The following CNTNAP2 variants were observed in gnomAD, a reference collection of about 807,000 sequenced individuals.
CNTNAP2 encodes contactin-associated protein-like 2.
In CNTNAP2, 98 loss-of-function variants were observed where a neutral mutation model predicts 155.2. That is an observed-to-expected ratio of 0.63 (90% confidence interval 0.54 to 0.75). The LOEUF (loss-of-function observed/expected upper bound fraction) is 0.75, where lower values mean the gene tolerates loss of function less well. CNTNAP2 is among the 30% of genes least tolerant of loss of function. The pLI is 0.00. For synonymous variants in CNTNAP2, 651 were observed against 631.2 expected, an observed-to-expected ratio of 1.03 and a Z score of -0.47; for missense variants, 1,727 against 1,688.1, an observed-to-expected ratio of 1.02 and a Z score of -0.40.
At chr7:147,456,258 A>C (rs1797916587) in intron 10 of CNTNAP2, among the ~76,000 whole-genome samples, 1 of 152,172 alleles carries the variant, frequency 6.6e-6, no homozygotes, top group Admixed American at 6.5e-5. Flanking sequence ...TGACAAAGAA[A>C]GCAATTAGAG....
At chr7:147,480,042 C>T (rs1404477166) in intron 10 of CNTNAP2, among the ~76,000 whole-genome samples, 2 of 151,950 alleles carry the variant, frequency 1.3e-5, no homozygotes, top group Non-Finnish European at 2.9e-5. Flanking sequence ...AATAAAAGTA[C>T]TCAAATATTG....
chr7:146,788,965 G>A (rs1378737713), intron 2 of CNTNAP2, among the ~76,000 whole-genome samples: 3 of 152,112 alleles, frequency 2.0e-5, no homozygotes, highest in Admixed American at 1.3e-4. Context: ...TGTGTATCAA[G>A]TATCCATGAA....
chr7:146,213,543 A>G (rs1038652907), intron 1 of CNTNAP2, among the ~76,000 whole-genome samples: 6 of 152,210 alleles, frequency 3.9e-5, no homozygotes, highest in East Asian at 1.9e-4. Context: ...GGGCAACTCA[A>G]GAAGTAATTT....
In CNTNAP2 at chr7:147,018,093, G is replaced by T. The variant is rs866809559; in HGVS notation, c.403-25814G>T. 2.0e-5 allele frequency among the ~76,000 whole-genome samples: 3 copies of T among 152,064 alleles called. No homozygotes were observed. In the South Asian group the frequency reaches 6.2e-4, roughly 31 times the overall value. ...CATTTCTCTAGAAAATCAGTGTTTT[G>T]TAAACAAGTTTGTTAGATAATTCTT... is the stretch of plus-strand genomic sequence containing the variant. On this transcript the variant is annotated intron_variant, in intron 3 of 23. Coordinates refer to ENST00000361727, the MANE Select transcript of CNTNAP2 (RefSeq NM_014141.6).
chr7:148,217,268 C>A lies in CNTNAP2; in HGVS notation c.3011-20C>A, dbSNP rs545753779. ...TCAGACCTCTCCTCATTTTTCAATT[C>A]TCTCTCTCCTTTATAACAGATGTTG... On this transcript the variant is annotated intron_variant, in intron 18 of 23. Transcript: ENST00000361727. The A allele has an allele frequency of 2.5e-6, 4 of 1,611,646 alleles. No homozygotes were observed. The South Asian group carries it at 3.3e-5, about 13-fold the overall frequency.
chr7:147,426,796 G>C (rs1428970264), intron 10 of CNTNAP2, among the ~76,000 whole-genome samples: 2 of 152,040 alleles, frequency 1.3e-5, no homozygotes, highest in African/African-American at 2.4e-5. Flanking sequence ...GTTTGTGATA[G>C]ATTTTTAGGG....
intron 1 of CNTNAP2, among the ~76,000 whole-genome samples, chr7:146,665,220 A>G (rs910433449): frequency 2.0e-5 from 3 of 152,108 alleles, no homozygotes; most frequent in Non-Finnish European, 4.4e-5. Flanking sequence ...AAATGTTGGG[A>G]TTACAGGCGT....
chr7:147,984,736 A>G (rs959375657), intron 15 of CNTNAP2, among the ~76,000 whole-genome samples: 3 of 152,152 alleles, frequency 2.0e-5, no homozygotes, highest in East Asian at 1.9e-4. Context: ...TCACCCCCCA[A>G]AGGAGTTCAG....
At chr7:147,224,132 G>A (rs964863434) in intron 8 of CNTNAP2, among the ~76,000 whole-genome samples, 1 of 151,992 alleles carries the variant, frequency 6.6e-6, no homozygotes, top group Non-Finnish European at 1.5e-5. Flanking sequence ...TAATCTGGGG[G>A]GCAGCAGTTT....
chr7:146,799,479 G>C (rs900023773), intron 2 of CNTNAP2, among the ~76,000 whole-genome samples: 1 of 152,186 alleles, frequency 6.6e-6, no homozygotes, highest in African/African-American at 2.4e-5. Flanking sequence ...GTTTCTTTAT[G>C]CACATTCGAG....
chr7:147,907,969 G>T (rs1799995061), intron 14 of CNTNAP2, among the ~76,000 whole-genome samples: 1 of 151,264 alleles, frequency 6.6e-6, no homozygotes, highest in Admixed American at 6.6e-5. Context: ...GTAGAGATGG[G>T]GTTTCACCAG....
chr7:146,296,700 T>A (rs1800519785), intron 1 of CNTNAP2, among the ~76,000 whole-genome samples: 1 of 151,886 alleles, frequency 6.6e-6, no homozygotes, highest in African/African-American at 2.4e-5. Flanking sequence ...ACAAACAATA[T>A]AAATTAATTT....
intron 13 of CNTNAP2, among the ~76,000 whole-genome samples, chr7:147,750,559 G>A (rs1476560222): frequency 6.6e-6 from 1 of 152,170 alleles, no homozygotes; most frequent in African/African-American, 2.4e-5. Flanking sequence ...AGAAAGGTCT[G>A]TACTTCATAG....
At chr7:146,897,583 AT>A (rs61317689) in intron 3 of CNTNAP2, among the ~76,000 whole-genome samples, 3,138 of 146,818 alleles carry the variant, frequency 0.021, 42 homozygotes, top group African/African-American at 0.031. Context: ...CAGTACGCAG[AT>A]TTTTTTTTTT....
intron 21 of CNTNAP2, among the ~76,000 whole-genome samples, chr7:148,380,743 G>A (rs1292116518): frequency 6.6e-6 from 1 of 152,106 alleles, no homozygotes; most frequent in Non-Finnish European, 1.5e-5. Context: ...TTAGCTCAGA[G>A]GGTTACCAGG....
chr7:147,341,286 C>T (rs1311008833), intron 9 of CNTNAP2, among the ~76,000 whole-genome samples: 1 of 151,678 alleles, frequency 6.6e-6, no homozygotes. Flanking sequence ...CGGGGCCTGT[C>T]GGTCGGTGGA....
At chr7:146,650,307 A>G (rs7456508) in intron 1 of CNTNAP2, among the ~76,000 whole-genome samples, 71,548 of 152,078 alleles carry the variant, frequency 0.47, 17,662 homozygotes, top group South Asian at 0.57. Context: ...ATTCCTATCA[A>G]TGATAGACTG....
intron 21 of CNTNAP2, among the ~76,000 whole-genome samples, chr7:148,354,367 G>T (rs1453634059): frequency 6.6e-6 from 1 of 152,064 alleles, no homozygotes; most frequent in Non-Finnish European, 1.5e-5. Flanking sequence ...TAGAAAAGTT[G>T]TTGAAATGAC....
At chr7:147,701,049 T>G (rs2117004143) in intron 13 of CNTNAP2, among the ~76,000 whole-genome samples, 1 of 152,338 alleles carries the variant, frequency 6.6e-6, no homozygotes, top group African/African-American at 2.4e-5. Flanking sequence ...AAAATGTCTC[T>G]GAACTGCTGG....
Sources: gnomAD v4.1 joint callset for allele counts (sites outside exome capture counted in the v4.1 genomes callset) on GRCh38, gnomAD v4.1.1 for gene constraint, MANE v1.5 for transcripts, NCBI Gene and HGNC (gene_info 2026-07-23, HGNC 2026-07-21) for gene names.